The following MYO1B variants were observed in gnomAD, a reference collection of about 807,000 sequenced individuals.
MYO1B encodes the protein unconventional myosin-Ib.
Under a neutral mutation model 159.7 loss-of-function variants are expected in MYO1B, and 72 were observed. The ratio of observed to expected loss-of-function variants is 0.45; its 90% CI spans 0.37 to 0.55. The LOEUF (loss-of-function observed/expected upper bound fraction) is 0.55. Among genes scored for constraint, MYO1B ranks in the 20% least tolerant of loss-of-function variants. The pLI is 0.00. For missense variants in MYO1B, 1,062 were observed against 1,364.8 expected (o/e 0.78, Z 3.50); for synonymous variants, 468 against 473.8 (o/e 0.99, Z 0.16).
At chr2:191,385,752 C>G (rs1695364312) in intron 15 of MYO1B, 132 bp from the exon 16 acceptor site, 1 of 938,834 alleles carries the variant, frequency 1.1e-6, no homozygotes, top group Non-Finnish European at 1.6e-6. Flanking sequence ...TGTTTTGAGT[C>G]TCTGCTTTTT....
chr2:191,259,411 T>G (rs1044581055), intron 1 of MYO1B, among the ~76,000 whole-genome samples: 7 of 152,232 alleles, frequency 4.6e-5, no homozygotes, highest in Non-Finnish European at 1.0e-4. Context: ...TTTCTGAATA[T>G]TCTTTTCCAG....
chr2:191,289,901 A>G, intron 2 of MYO1B, among the ~76,000 whole-genome samples: 1 of 152,234 alleles, frequency 6.6e-6, no homozygotes, highest in East Asian at 1.9e-4. Flanking sequence ...AGACTTGGAA[A>G]TATTCTGACT....
chr2:191,312,362 G>A (rs1429540068), intron 3 of MYO1B, among the ~76,000 whole-genome samples: 2 of 152,042 alleles, frequency 1.3e-5, no homozygotes, highest in South Asian at 4.2e-4. Flanking sequence ...TTCAAATCCT[G>A]CTCATCTTTT....
intron 5 of MYO1B, among the ~76,000 whole-genome samples, chr2:191,343,196 G>C (rs1386509589): frequency 6.6e-6 from 1 of 152,204 alleles, no homozygotes; most frequent in African/African-American, 2.4e-5. Flanking sequence ...TAGATAGGTA[G>C]TTTGGTGGAA....
In MYO1B at chr2:191,381,444, T is replaced by G; in HGVS notation, c.1186-18T>G. The G allele has an allele frequency of 3.1e-6, 5 of 1,595,582 alleles. No homozygotes were observed. Among genetic ancestry groups the G allele is most frequent in the Non-Finnish European group, 4.3e-6 (5 of 1,163,416 alleles). ...AGTGGCATGGTTTATAAAGCTGTTT[T>G]TCATTTTCTCCATACAGGACAACAG... On this transcript the variant is annotated intron_variant, in intron 13 of 30. Coordinates refer to ENST00000392318, the MANE Select transcript of MYO1B (RefSeq NM_001130158.3).
chr2:191,395,926 T>C (rs1158316115), intron 20 of MYO1B, among the ~76,000 whole-genome samples: 1 of 152,246 alleles, frequency 6.6e-6, no homozygotes, highest in Non-Finnish European at 1.5e-5. Flanking sequence ...AATATATAAA[T>C]ATTTAATTGA....
intron 1 of MYO1B, among the ~76,000 whole-genome samples, chr2:191,264,223 C>T (rs954009699): frequency 1.1e-4 from 17 of 152,100 alleles, no homozygotes; most frequent in Admixed American, 1.0e-3. Context: ...AACATCTTAG[C>T]TATTTTTGTT....
chr2:191,282,539 A>G (rs1298645523), intron 2 of MYO1B, among the ~76,000 whole-genome samples: 1 of 152,226 alleles, frequency 6.6e-6, no homozygotes, highest in Non-Finnish European at 1.5e-5. Flanking sequence ...AAAATTTCAA[A>G]TAGTACAGCC....
chr2:191,395,341 A>AT (rs1559230835), intron 20 of MYO1B, among the ~76,000 whole-genome samples: 1 of 151,898 alleles, frequency 6.6e-6, no homozygotes, highest in Non-Finnish European at 1.5e-5. Context: ...GTCCTCTTGG[A>AT]TTTTCTCCCT....
Position 191,370,997 on chromosome 2 carries a change from G to A in MYO1B, c.1185+705G>A, listed in dbSNP as rs188070713. The A allele has an allele frequency of 1.9e-4, 29 of 152,248 alleles. No homozygotes were observed. The East Asian group carries it at 5.2e-3, about 27-fold the overall frequency. The allele number at this position is 152,248 out of a possible 1,614,324, so 9.4% of individuals were successfully genotyped here. A position where few individuals can be genotyped will look rare whatever the true frequency, so the allele number is the denominator to read the frequency against. The stretch of plus-strand genomic sequence containing the variant: ...GAATGATATAGAGAAGATGAGCATG[G>A]CCCCTGAAAAAAGTGATTTGGAAAA... On this transcript the variant is annotated intron_variant, in intron 13 of 30. Transcript: ENST00000392318.
intron 13 of MYO1B, chr2:191,381,172 A>G: frequency 2.4e-6 from 1 of 412,358 alleles, no homozygotes; most frequent in Non-Finnish European, 4.6e-6. Flanking sequence ...CAGCAAAGGA[A>G]GTGAGATTGT....
chr2:191,391,460 T>G (rs1212407382), intron 18 of MYO1B, among the ~76,000 whole-genome samples: 1 of 152,218 alleles, frequency 6.6e-6, no homozygotes, highest in African/African-American at 2.4e-5. Flanking sequence ...TTGGGTACTG[T>G]TTCAGTTCCC....
intron 15 of MYO1B, among the ~76,000 whole-genome samples, 154 bp from the exon 16 acceptor site, chr2:191,385,730 G>A (rs1042417804): frequency 6.6e-6 from 1 of 152,110 alleles, no homozygotes; most frequent in Admixed American, 6.6e-5. Flanking sequence ...TGATTCCTGT[G>A]GCTTTTGTTA....
chr2:191,365,344 C>G (rs983540406), intron 11 of MYO1B, among the ~76,000 whole-genome samples: 3 of 152,222 alleles, frequency 2.0e-5, no homozygotes, highest in African/African-American at 7.2e-5. Flanking sequence ...GGCTTGCCCT[C>G]TGTTGCTGAA....
chr2:191,403,099 T>C (rs543792986), intron 24 of MYO1B, among the ~76,000 whole-genome samples: 2 of 152,340 alleles, frequency 1.3e-5, no homozygotes, highest in Non-Finnish European at 2.9e-5. Flanking sequence ...TGCCAGGCTT[T>C]TGTTTCCCTT....
At chr2:191,397,811 C>T (rs1440765614) in intron 21 of MYO1B, among the ~76,000 whole-genome samples, 3 of 144,586 alleles carry the variant, frequency 2.1e-5, no homozygotes, top group East Asian at 2.2e-4. Flanking sequence ...GGCGTCTGGC[C>T]GGGCGGGGGG....
At chr2:191,308,843 A>G (rs1689812294) in intron 3 of MYO1B, among the ~76,000 whole-genome samples, 1 of 152,194 alleles carries the variant, frequency 6.6e-6, no homozygotes, top group African/African-American at 2.4e-5. Flanking sequence ...TGACAACATG[A>G]CCAGCTCCTT....
At chr2:191,341,719 C>G (rs1186305292) in intron 5 of MYO1B, among the ~76,000 whole-genome samples, 154 bp downstream of exon 5, 2 of 152,144 alleles carry the variant, frequency 1.3e-5, no homozygotes, top group African/African-American at 2.4e-5. Context: ...AAGCCGTGTT[C>G]TAGAACCTCT....
chr2:191,332,598 C>A (rs912941302), intron 4 of MYO1B, among the ~76,000 whole-genome samples: 1 of 151,968 alleles, frequency 6.6e-6, no homozygotes, highest in Non-Finnish European at 1.5e-5. Context: ...ACGTGCTGGG[C>A]GGTGTGCTTA....
Sources: gnomAD v4.1 joint callset for allele counts (sites outside exome capture counted in the v4.1 genomes callset) on GRCh38, gnomAD v4.1.1 for gene constraint, MANE v1.5 for transcripts, NCBI Gene and HGNC (gene_info 2026-07-23, HGNC 2026-07-21) for gene names.